The following NTAQ1 variants were observed in gnomAD, a reference collection of about 807,000 sequenced individuals.
NTAQ1 encodes N-terminal glutamine amidase 1, also known as protein N-terminal glutamine amidohydrolase.
NTAQ1 carries 21 observed loss-of-function variants against 28.2 expected under a neutral mutation model. The observed-to-expected ratio is 0.74, with a 90% CI of 0.53 to 1.07. The LOEUF is 1.07. NTAQ1 is among the 50% of genes least tolerant of loss of function. The pLI, the probability that NTAQ1 is intolerant of heterozygous loss-of-function variation, is 0.00. For missense variants in NTAQ1, 264 were observed against 256.6 expected (o/e 1.03, Z -0.20); for synonymous variants, 105 against 90.0 (o/e 1.17, Z -0.94).
At chr8:123,443,590 T>G (rs1002737383), downstream of NTAQ1, among the ~76,000 whole-genome samples, 28 of 152,178 alleles carry the variant, frequency 1.8e-4, no homozygotes, top group African/African-American at 6.3e-4. Flanking sequence ...ACCTTTTTTG[T>G]TTTTGAGACT....
intron 1 of NTAQ1, among the ~76,000 whole-genome samples, chr8:123,418,521 AATAAG>A (rs1813461898): frequency 6.6e-6 from 1 of 152,280 alleles, no homozygotes; most frequent in Admixed American, 6.5e-5. Flanking sequence ...CTATGAGAAA[AATAAG>A]ATAAAGGATG....
At chr8:123,446,613 T>G (rs1815296338), downstream of NTAQ1, among the ~76,000 whole-genome samples, 1 of 152,188 alleles carries the variant, frequency 6.6e-6, no homozygotes, top group African/African-American at 2.4e-5. Flanking sequence ...ACTCCAACTG[T>G]GTCTGTGTTG....
At chr8:123,417,016 T>G in intron 1 of NTAQ1, 84 bp downstream of exon 1, 1 of 1,298,234 alleles carries the variant, frequency 7.7e-7, no homozygotes, top group Non-Finnish European at 1.0e-6. Flanking sequence ...TCCCGGCCCC[T>G]CCTCGGGGGC....
At chr8:123,443,422 A>T (rs979068022), downstream of NTAQ1, among the ~76,000 whole-genome samples, 20 of 152,236 alleles carry the variant, frequency 1.3e-4, no homozygotes, top group African/African-American at 4.8e-4. Context: ...GAGCAGTCAC[A>T]GGGTTGTAAC....
At chr8:123,423,750 T>C (rs961944097) in intron 1 of NTAQ1, among the ~76,000 whole-genome samples, 1 of 152,174 alleles carries the variant, frequency 6.6e-6, no homozygotes, top group African/African-American at 2.4e-5. Flanking sequence ...AAGTTTACAT[T>C]TTTTTCTGTG....
At chr8:123,452,365 C>T (rs1407413513), downstream of NTAQ1, among the ~76,000 whole-genome samples, 3 of 152,026 alleles carry the variant, frequency 2.0e-5, no homozygotes, top group East Asian at 3.9e-4. Flanking sequence ...GGGAGGCCAA[C>T]GCCGGTGGAT....
chr8:123,437,502 C>G (rs11987776), intron 5 of NTAQ1, among the ~76,000 whole-genome samples, 168 bp downstream of exon 5: 55,051 of 151,838 alleles, frequency 0.36, 10,089 homozygotes, highest in East Asian at 0.56. Flanking sequence ...AGGAGATAGA[C>G]ACCATCCTGG....
chr8:123,464,055 A>C (rs984126357), intron 6 of NTAQ1, among the ~76,000 whole-genome samples: 2 of 151,912 alleles, frequency 1.3e-5, no homozygotes, highest in Non-Finnish European at 2.9e-5. Context: ...CTTTTCCTTC[A>C]CCTTCCACCA....
At chr8:123,446,892 T>C (rs6470151), downstream of NTAQ1, among the ~76,000 whole-genome samples, 143,657 of 152,286 alleles carry the variant, frequency 0.94, 67,788 homozygotes, top group East Asian at 0.99. Context: ...TCTGGTTCCA[T>C]GTTGAAAGTA....
Position 123,430,099 on chromosome 8 carries a change from T to G in NTAQ1, c.234+66T>G, listed in dbSNP as rs181676242. On this transcript the variant is annotated intron_variant, in intron 3 of 5. Coordinates refer to ENST00000287387, the MANE Select transcript of NTAQ1 (RefSeq NM_018024.3). ...TGTAACCCCTTAGTGTTCTGTATGTTTTGGTAAAGCAGAAGTGACCTAAGC... is the reference window on the plus strand; with the variant it reads ...TGTAACCCCTTAGTGTTCTGTATGTGTTGGTAAAGCAGAAGTGACCTAAGC... The G allele has an allele frequency of 2.0e-3, 2,741 of 1,353,060 alleles. 6 individuals carry two copies. The highest frequency in any genetic ancestry group is 3.7e-3 in the Middle Eastern group (20 of 5,466). 83.8% of individuals were successfully genotyped at this position (1,353,060 alleles called of 1,614,324 possible). A position where few individuals can be genotyped will look rare whatever the true frequency, so the allele number is the denominator to read the frequency against.
chr8:123,460,946 T>G (rs1815806998), intron 6 of NTAQ1, among the ~76,000 whole-genome samples: 1 of 152,240 alleles, frequency 6.6e-6, no homozygotes, highest in Non-Finnish European at 1.5e-5. Flanking sequence ...TTCACACTTC[T>G]GTCAGGTACT....
chr8:123,422,731 G>A (rs971397366), intron 1 of NTAQ1, among the ~76,000 whole-genome samples: 1 of 151,452 alleles, frequency 6.6e-6, no homozygotes, highest in Non-Finnish European at 1.5e-5. Flanking sequence ...GCCTATGTCT[G>A]GAGTGGTATT....
rs547155257 is a variant in NTAQ1, at chr8:123,425,228, A to AGT, written c.84-2696_84-2695insGT. On this transcript the variant is annotated intron_variant, in intron 1 of 5. Transcript: ENST00000287387. The stretch of plus-strand genomic sequence containing the variant: ...TGCCTCAGCCTCCCGAGTAGCTGGG[A>AGT]TTACAGGCATCAGCCACCACGCCCA... Among the ~76,000 whole-genome samples, 20 of 152,118 alleles carry AGT rather than the reference A, an allele frequency of 1.3e-4. No individual in the cohort carries two copies. In the South Asian group the frequency reaches 3.5e-3, roughly 27 times the overall value.
At chr8:123,420,680 C>A (rs1330122204) in intron 1 of NTAQ1, among the ~76,000 whole-genome samples, 1 of 149,240 alleles carries the variant, frequency 6.7e-6, no homozygotes, top group Admixed American at 6.8e-5. Context: ...GCAACCTCAA[C>A]TTCCTGGGCT....
chr8:123,466,736 C>G lies in NTAQ1; in HGVS notation c.373-343C>G, dbSNP rs1001781167. ...GTTTTCAGTTCTTTTGGATATATAC[C>G]AAGGAATGGGATTGCTGGTCATATA... is the stretch of plus-strand genomic sequence containing the variant. On this transcript the variant is annotated intron_variant, in intron 6 of 6. Coordinates refer to the NTAQ1 transcript ENST00000650311. Among the ~76,000 whole-genome samples, 40 of 151,986 alleles carry G rather than the reference C, an allele frequency of 2.6e-4. 1 individual carries two copies. The highest frequency in any genetic ancestry group is 2.6e-3 in the Admixed American group (39 of 15,256).
chr8:123,469,873 A>G (rs534782975), exon 7 of NTAQ1, among the ~76,000 whole-genome samples: 9 of 152,320 alleles, frequency 5.9e-5, no homozygotes, highest in South Asian at 4.1e-4. Flanking sequence ...ACAAACATGT[A>G]TTGCCTGCCC....
exon 7 of NTAQ1, among the ~76,000 whole-genome samples, chr8:123,469,447 A>G (rs984036511): frequency 2.0e-5 from 3 of 152,308 alleles, no homozygotes; most frequent in African/African-American, 7.2e-5. Flanking sequence ...TACCTACACC[A>G]TGGAATCCAA....
intron 5 of NTAQ1, among the ~76,000 whole-genome samples, chr8:123,440,805 G>A (rs1309966468): frequency 6.6e-6 from 1 of 152,102 alleles, no homozygotes; most frequent in Non-Finnish European, 1.5e-5. Flanking sequence ...TTGGCTCAGA[G>A]CAGCCTTTCA....
chr8:123,417,798 C>G (rs1371890469), intron 1 of NTAQ1, among the ~76,000 whole-genome samples: 2 of 151,962 alleles, frequency 1.3e-5, no homozygotes, highest in East Asian at 3.9e-4. Flanking sequence ...CCATCGATGT[C>G]CAGGAGGTAC....
Sources: allele counts gnomAD v4.1 joint callset (sites outside exome capture counted in the v4.1 genomes callset), GRCh38; gene constraint gnomAD v4.1.1; transcripts MANE v1.5; gene names NCBI Gene and HGNC (gene_info 2026-07-23, HGNC 2026-07-21).